Variants in CNTNAP2 observed in about 807,000 individuals in gnomAD.
The protein encoded by CNTNAP2 is contactin-associated protein-like 2.
A neutral mutation model predicts 155.2 loss-of-function variants in CNTNAP2; 98 were observed. The observed-to-expected ratio is 0.63, with a 90% CI of 0.54 to 0.75. The LOEUF is 0.75. CNTNAP2 is among the 30% of genes least tolerant of loss of function. The pLI, the probability that CNTNAP2 is intolerant of heterozygous loss-of-function variation, is 0.00. For synonymous variants in CNTNAP2, 651 were observed against 631.2 expected, an observed-to-expected ratio of 1.03 and a Z score of -0.47; for missense variants, 1,727 against 1,688.1, an observed-to-expected ratio of 1.02 and a Z score of -0.40.
intron 3 of CNTNAP2, among the ~76,000 whole-genome samples, chr7:146,841,328 A>G (rs1054667789): frequency 7.1e-6 from 1 of 141,766 alleles, no homozygotes; most frequent in Non-Finnish European, 1.5e-5. Context: ...TGCCCTTAAA[A>G]TTTGGCAGAG....
rs78223661 is a variant in CNTNAP2, at chr7:147,108,136, T to G, written c.551-11T>G. On this transcript the variant is annotated splice_polypyrimidine_tract_variant and intron_variant, in intron 4 of 23. Transcript: ENST00000361727. ...GGCTGAACTAATATGTTATTTTTTTTTTTGTTTTAGGGGCTGATGTTATCA... is the reference window on the plus strand; with the variant it reads ...GGCTGAACTAATATGTTATTTTTTTGTTTGTTTTAGGGGCTGATGTTATCA... 5.4e-4 allele frequency: 874 copies of G among 1,609,390 alleles called. 2 individuals carry two copies. In the African/African-American group the frequency reaches 6.6e-3, roughly 12 times the overall value.
intron 4 of CNTNAP2, among the ~76,000 whole-genome samples, chr7:147,094,793 G>A (rs1292912452): frequency 6.6e-6 from 1 of 152,022 alleles, no homozygotes. Context: ...GACTCTACTT[G>A]AGTAGCAATT....
chr7:147,598,381 G>T (rs2116855540), intron 12 of CNTNAP2, among the ~76,000 whole-genome samples: 2 of 152,122 alleles, frequency 1.3e-5, no homozygotes, highest in Middle Eastern at 6.8e-3. Flanking sequence ...CCTTCCCTGT[G>T]TCCATGTGTT....
In CNTNAP2 at chr7:148,415,589, T is replaced by C; in HGVS notation, c.3969T>C (p.Asp1323=). ...ACCCCAACTTCACAGAGACCATTGA[T>C]GAAAGCAAAAAGGAATGGCTCATTT... ...NNDPNFTETI[D]ESKKEWLI The change falls in exon 24 of 24, where the codon GAT becomes GAC. Residue 1323 remains aspartate (D), a synonymous_variant. Transcript: ENST00000361727. 1 of 1,614,070 alleles carries C rather than the reference T, an allele frequency of 6.2e-7. No homozygotes were observed. The highest frequency in any genetic ancestry group is 8.5e-7 in the Non-Finnish European group (1 of 1,180,010).
At chr7:146,518,641 A>G (rs969133341) in intron 1 of CNTNAP2, among the ~76,000 whole-genome samples, 15 of 151,974 alleles carry the variant, frequency 9.9e-5, no homozygotes, top group East Asian at 5.8e-4. Context: ...TAAAAATTCA[A>G]ACATTTTGAT....
intron 19 of CNTNAP2, among the ~76,000 whole-genome samples, chr7:148,224,056 A>C (rs1795798255): frequency 6.7e-6 from 1 of 150,334 alleles, no homozygotes; most frequent in African/African-American, 2.5e-5. Context: ...AACCAGGCAG[A>C]AAGCCTATTT....
intron 13 of CNTNAP2, among the ~76,000 whole-genome samples, chr7:147,833,663 T>G (rs1407931584): frequency 6.6e-6 from 1 of 152,128 alleles, no homozygotes; most frequent in Non-Finnish European, 1.5e-5. Context: ...TAAAGGCTAC[T>G]AAAAACCCTT....
chr7:146,209,071 C>A (rs1016217873), intron 1 of CNTNAP2, among the ~76,000 whole-genome samples: 4 of 152,068 alleles, frequency 2.6e-5, no homozygotes, highest in African/African-American at 9.7e-5. Flanking sequence ...TCATTGTAAA[C>A]CCCTAAAACT....
chr7:146,815,069 C>G (rs949988491), intron 2 of CNTNAP2, among the ~76,000 whole-genome samples: 3 of 152,074 alleles, frequency 2.0e-5, no homozygotes, highest in Admixed American at 1.3e-4. Flanking sequence ...TTTATGATAA[C>G]TAACTTTGAT....
chr7:147,348,813 T>C (rs1234141512), intron 9 of CNTNAP2, among the ~76,000 whole-genome samples: 1 of 151,950 alleles, frequency 6.6e-6, no homozygotes, highest in Non-Finnish European at 1.5e-5. Context: ...TATTCACCTA[T>C]TAAAAAGAAT....
At chr7:146,476,310 G>T (rs927044783) in intron 1 of CNTNAP2, among the ~76,000 whole-genome samples, 1 of 152,048 alleles carries the variant, frequency 6.6e-6, no homozygotes, top group Non-Finnish European at 1.5e-5. Context: ...ATGCTCATTA[G>T]CAATTCCATT....
intron 13 of CNTNAP2, among the ~76,000 whole-genome samples, chr7:147,703,652 A>G (rs1241505861): frequency 6.6e-6 from 1 of 152,180 alleles, no homozygotes; most frequent in Non-Finnish European, 1.5e-5. Flanking sequence ...ATAATGATCA[A>G]GTCAGAGTAT....
intron 1 of CNTNAP2, among the ~76,000 whole-genome samples, chr7:146,219,932 T>C (rs538345719): frequency 4.7e-4 from 71 of 152,184 alleles, no homozygotes; most frequent in African/African-American, 1.6e-3. Flanking sequence ...TTAGAGAACA[T>C]CTAGTACAGC....
intron 1 of CNTNAP2, among the ~76,000 whole-genome samples, chr7:146,273,951 T>C (rs1480904175): frequency 6.6e-6 from 1 of 152,034 alleles, no homozygotes; most frequent in Non-Finnish European, 1.5e-5. Flanking sequence ...AATCAGAAAA[T>C]GTTAGTTCGA....
At chr7:146,441,118 C>T (rs1796314668) in intron 1 of CNTNAP2, among the ~76,000 whole-genome samples, 1 of 151,520 alleles carries the variant, frequency 6.6e-6, no homozygotes, top group Non-Finnish European at 1.5e-5. Flanking sequence ...TCAGAGGATA[C>T]ATTCAATAAT....
intron 1 of CNTNAP2, among the ~76,000 whole-genome samples, chr7:146,590,544 T>C (rs781392031): frequency 1.3e-5 from 2 of 152,132 alleles, no homozygotes; most frequent in Non-Finnish European, 2.9e-5. Context: ...GCATACCTAA[T>C]CCAAAAATCT....
intron 13 of CNTNAP2, among the ~76,000 whole-genome samples, chr7:147,866,282 G>C (rs984739117): frequency 1.3e-5 from 1 of 75,314 alleles, no homozygotes; most frequent in Non-Finnish European, 2.8e-5. Context: ...ACTGTGGTCT[G>C]AGAGACTGTT....
intron 18 of CNTNAP2, among the ~76,000 whole-genome samples, chr7:148,183,234 C>T (rs182874097): frequency 6.6e-6 from 1 of 152,284 alleles, no homozygotes; most frequent in Admixed American, 6.5e-5. Flanking sequence ...CCATGGATAC[C>T]CACGCTGAAG....
intron 4 of CNTNAP2, among the ~76,000 whole-genome samples, chr7:147,074,369 C>A (rs1392581362): frequency 6.6e-6 from 1 of 152,096 alleles, no homozygotes; most frequent in Non-Finnish European, 1.5e-5. Context: ...TTGCTCATTT[C>A]CTCACATCTG....
Sources: allele counts gnomAD v4.1 joint callset (sites outside exome capture counted in the v4.1 genomes callset), GRCh38; gene constraint gnomAD v4.1.1; transcripts MANE v1.5; gene names NCBI Gene and HGNC (gene_info 2026-07-23, HGNC 2026-07-21).